GBE1: variants seen among roughly 807,000 people sequenced by gnomAD.
The protein encoded by GBE1 is 1,4-alpha-glucan branching enzyme 1.
A neutral mutation model predicts 88.8 loss-of-function variants in GBE1; 70 were observed. The ratio of observed to expected loss-of-function variants is 0.79; its 90% CI spans 0.65 to 0.96. The LOEUF (loss-of-function observed/expected upper bound fraction) is 0.96. Ranked by LOEUF, GBE1 falls within the 40% of genes least tolerant of loss-of-function variation. The pLI is 0.00. For missense variants in GBE1, 872 were observed against 871.0 expected (o/e 1.00, Z -0.01); for synonymous variants, 284 against 300.1 (o/e 0.95, Z 0.56).
intron 2 of GBE1, among the ~76,000 whole-genome samples, chr3:81,699,406 A>G (rs1163692721): frequency 6.6e-6 from 1 of 152,214 alleles, no homozygotes. Flanking sequence ...AAGATGGGTC[A>G]TACGTTATTG....
intron 7 of GBE1, among the ~76,000 whole-genome samples, chr3:81,621,314 G>A (rs1332131449): frequency 3.9e-5 from 6 of 151,992 alleles, no homozygotes; most frequent in African/African-American, 9.7e-5. Context: ...TAATAGATTC[G>A]ACCTAGAAAA....
chr3:81,718,913 G>A lies in GBE1; in HGVS notation c.144-13300C>T, dbSNP rs112349734. The stretch of plus-strand genomic sequence containing the variant: ...ACCTCCCAAAGTGCTGGGATTATAG[G>A]AGTTAGCCACCGCGCCCTGCCCACC... On this transcript the variant is annotated intron_variant, in intron 1 of 15. Coordinates refer to ENST00000429644, the MANE Select transcript of GBE1 (RefSeq NM_000158.4). 3.1e-3 allele frequency among the ~76,000 whole-genome samples: 473 copies of A among 152,052 alleles called. 2 individuals carry two copies. The highest frequency in any genetic ancestry group is 5.3e-3 in the Non-Finnish European group (360 of 67,986).
intron 10 of GBE1, among the ~76,000 whole-genome samples, chr3:81,585,599 A>G (rs1703792236): frequency 6.6e-6 from 1 of 152,190 alleles, no homozygotes; most frequent in Non-Finnish European, 1.5e-5. Context: ...TACCATGTAC[A>G]GTTATTCATT....
At chr3:81,529,894 T>A (rs1002893524) in intron 14 of GBE1, among the ~76,000 whole-genome samples, 1 of 152,020 alleles carries the variant, frequency 6.6e-6, no homozygotes, top group African/African-American at 2.4e-5. Flanking sequence ...TCTCTTTGAA[T>A]AAACTTTCTA....
At chr3:81,703,493 A>C (rs1705730323) in intron 2 of GBE1, among the ~76,000 whole-genome samples, 1 of 152,042 alleles carries the variant, frequency 6.6e-6, no homozygotes, top group African/African-American at 2.4e-5. Flanking sequence ...AGAGCACTTG[A>C]ACTGAGGCTA....
intron 1 of GBE1, chr3:81,743,441 T>C (rs3772889): frequency 0.57 from 396,339 of 691,730 alleles, 118,590 homozygotes; most frequent in East Asian, 0.91. Context: ...TGAACACACA[T>C]ACACCCCCAC....
intron 3 of GBE1, among the ~76,000 whole-genome samples, chr3:81,650,743 C>A (rs1366455769): frequency 6.6e-6 from 1 of 152,210 alleles, no homozygotes; most frequent in Non-Finnish European, 1.5e-5. Flanking sequence ...CAGCTCACTG[C>A]AGCCTCAACC....
At chr3:81,683,358 C>T (rs1005892084) in intron 2 of GBE1, among the ~76,000 whole-genome samples, 20 of 151,964 alleles carry the variant, frequency 1.3e-4, no homozygotes, top group Admixed American at 5.2e-4. Flanking sequence ...TTGGAGATAC[C>T]GTAAAGGAAA....
At chr3:81,642,316 CAT>C (rs1704695041) in intron 7 of GBE1, among the ~76,000 whole-genome samples, 1 of 151,970 alleles carries the variant, frequency 6.6e-6, no homozygotes, top group African/African-American at 2.4e-5. Context: ...ATACATGAAA[CAT>C]ATTATATACT....
chr3:81,757,288 C>T (rs1706616062), intron 1 of GBE1, among the ~76,000 whole-genome samples: 1 of 152,020 alleles, frequency 6.6e-6, no homozygotes, highest in African/African-American at 2.4e-5. Context: ...CCAGATAATG[C>T]AGAATCTTCT....
chr3:81,548,542 A>C (rs1159242276), intron 12 of GBE1, among the ~76,000 whole-genome samples: 1 of 151,304 alleles, frequency 6.6e-6, no homozygotes, highest in Admixed American at 6.6e-5. Flanking sequence ...TTGTTACATA[A>C]AATCATATGC....
chr3:81,730,818 C>T (rs762732423), intron 1 of GBE1, among the ~76,000 whole-genome samples: 3 of 152,154 alleles, frequency 2.0e-5, no homozygotes, highest in Non-Finnish European at 4.4e-5. Flanking sequence ...CAAACTGAGC[C>T]TTGTGACCAT....
At chr3:81,556,161 G>C (rs927492853) in intron 12 of GBE1, among the ~76,000 whole-genome samples, 13 of 151,950 alleles carry the variant, frequency 8.6e-5, no homozygotes, top group African/African-American at 3.1e-4. Context: ...TAAGAAACCT[G>C]GGTAGTGCAG....
chr3:81,698,694 C>T (rs1705640494), intron 2 of GBE1, among the ~76,000 whole-genome samples: 1 of 152,066 alleles, frequency 6.6e-6, no homozygotes. Flanking sequence ...AACTGACACA[C>T]AGTATAACTG....
intron 1 of GBE1, among the ~76,000 whole-genome samples, chr3:81,706,910 A>G (rs1301878095): frequency 6.6e-6 from 1 of 152,044 alleles, no homozygotes; most frequent in Non-Finnish European, 1.5e-5. Flanking sequence ...AAATTATTAA[A>G]TGAATAAATA....
At chr3:81,700,317 C>T (rs569400861) in intron 2 of GBE1, among the ~76,000 whole-genome samples, 1 of 152,092 alleles carries the variant, frequency 6.6e-6, no homozygotes, top group Admixed American at 6.6e-5. Flanking sequence ...AAAAAATGAT[C>T]GCTAATTTTC....
intron 12 of GBE1, among the ~76,000 whole-genome samples, chr3:81,548,306 C>T (rs1703233982): frequency 6.6e-6 from 1 of 151,338 alleles, no homozygotes; most frequent in Admixed American, 6.6e-5. Context: ...TTTGGGTAGA[C>T]ATGTCAATGA....
At chr3:81,572,811 G>A (rs2106926108) in intron 12 of GBE1, among the ~76,000 whole-genome samples, 1 of 152,124 alleles carries the variant, frequency 6.6e-6, no homozygotes, top group Non-Finnish European at 1.5e-5. Context: ...CAGGGTTGGT[G>A]TTTTTTTCCC....
intron 14 of GBE1, among the ~76,000 whole-genome samples, chr3:81,499,464 C>A (rs938795930): frequency 1.3e-5 from 2 of 152,292 alleles, no homozygotes; most frequent in African/African-American, 4.8e-5. Flanking sequence ...ATCACCCAGC[C>A]TGGGACGAAA....
Sources: allele counts gnomAD v4.1 joint callset (sites outside exome capture counted in the v4.1 genomes callset), GRCh38; gene constraint gnomAD v4.1.1; transcripts MANE v1.5; gene names NCBI Gene and HGNC (gene_info 2026-07-23, HGNC 2026-07-21).